Variants in NPHP4 observed in about 807,000 individuals in gnomAD.
The protein encoded by NPHP4 is nephrocystin-4.
A neutral mutation model predicts 155.8 loss-of-function variants in NPHP4; 151 were observed. That is an observed-to-expected ratio of 0.97 (90% CI 0.85 to 1.11). The LOEUF (loss-of-function observed/expected upper bound fraction) is 1.11, where lower values mean the gene tolerates loss of function less well. Ranked by LOEUF, NPHP4 falls within the 50% of genes least tolerant of loss-of-function variation. NPHP4 has a pLI of 0.00. For missense variants in NPHP4, 1,956 were observed against 1,925.7 expected (o/e 1.02, Z -0.29); for synonymous variants, 845 against 816.8 (o/e 1.03, Z -0.59).
intron 20 of NPHP4, chr1:5,875,827 A>T (rs1642540269): frequency 6.5e-6 from 1 of 152,922 alleles, no homozygotes; most frequent in Non-Finnish European, 1.5e-5. Context: ...GGGCGCTGGG[A>T]ACCTTCTGTC....
chr1:5,918,838 GTAAT>G (rs1357665722), intron 11 of NPHP4, among the ~76,000 whole-genome samples: 1 of 152,184 alleles, frequency 6.6e-6, no homozygotes, highest in Admixed American at 6.5e-5. Context: ...GAAAAGAAAT[GTAAT>G]TGGTTGTCAA....
intron 23 of NPHP4, among the ~76,000 whole-genome samples, chr1:5,869,028 CACAT>C (rs1375298328): frequency 2.1e-5 from 3 of 145,088 alleles, no homozygotes; most frequent in Non-Finnish European, 3.0e-5. Context: ...CACATGCACA[CACAT>C]ACATGCACAC....
chr1:5,952,916 C>CAGG (rs2102006225), intron 6 of NPHP4, 80 bp from the exon 7 acceptor site: 1 of 1,379,990 alleles, frequency 7.2e-7, no homozygotes, highest in Admixed American at 2.2e-5. Flanking sequence ...CCTACCCACC[C>CAGG]CAGCCTCAGC....
At chr1:5,949,343 T>TACACATACACACAC (rs1553187014) in intron 7 of NPHP4, among the ~76,000 whole-genome samples, 19 of 140,788 alleles carry the variant, frequency 1.3e-4, no homozygotes, top group Admixed American at 7.1e-4. Context: ...TTCACATACA[T>TACACATACACACAC]ACACACACAC....
intron 10 of NPHP4, among the ~76,000 whole-genome samples, chr1:5,930,908 T>G (rs1251578345): frequency 6.6e-6 from 1 of 152,234 alleles, no homozygotes; most frequent in Non-Finnish European, 1.5e-5. Context: ...CATTTCTCCT[T>G]TCAGTTCAAT....
intron 16 of NPHP4, among the ~76,000 whole-genome samples, chr1:5,893,776 C>A (rs976823299): frequency 2.6e-5 from 4 of 152,208 alleles, no homozygotes; most frequent in Non-Finnish European, 4.4e-5. Flanking sequence ...GGGTGTTGTT[C>A]CTTGACACTT....
chr1:5,879,682 T>C (rs757356611), intron 19 of NPHP4: 4 of 498,196 alleles, frequency 8.0e-6, no homozygotes, highest in Non-Finnish European at 1.6e-5. Flanking sequence ...GGCCTGTGGG[T>C]CCACAGGGGC....
chr1:5,934,624 C>T (rs961091179), intron 9 of NPHP4, among the ~76,000 whole-genome samples: 1 of 152,170 alleles, frequency 6.6e-6, no homozygotes. Flanking sequence ...CTCCCAGTCC[C>T]GGGCTTGGCT....
chr1:5,875,437 G>A (rs899460826), intron 20 of NPHP4, among the ~76,000 whole-genome samples: 1 of 152,190 alleles, frequency 6.6e-6, no homozygotes, highest in Admixed American at 6.5e-5. Context: ...GAAAAGAATG[G>A]CCTCAAAACT....
intron 29 of NPHP4, 171 bp downstream of exon 29, chr1:5,863,719 T>A (rs956510050): frequency 3.9e-5 from 27 of 692,316 alleles, no homozygotes; most frequent in Non-Finnish European, 6.2e-5. Context: ...AATCTCCAGC[T>A]ACTAAAGATA....
intron 9 of NPHP4, among the ~76,000 whole-genome samples, chr1:5,935,792 T>C (rs1027890430): frequency 6.6e-6 from 1 of 152,118 alleles, no homozygotes; most frequent in African/African-American, 2.4e-5. Context: ...GGAGAATCGC[T>C]TGAACCTAGA....
chr1:5,940,857 G>A (rs1247828728), intron 9 of NPHP4, among the ~76,000 whole-genome samples: 1 of 152,172 alleles, frequency 6.6e-6, no homozygotes, highest in Admixed American at 6.5e-5. Context: ...ACATCCTTGA[G>A]ATGTAAAATT....
At chr1:5,888,416 C>T in intron 17 of NPHP4, 1 of 1,095,232 alleles carries the variant, frequency 9.1e-7, no homozygotes. Context: ...TCTCCAGTTT[C>T]TACAGCAACA....
At chr1:5,866,118 C>T in intron 26 of NPHP4, 1 of 538,264 alleles carries the variant, frequency 1.9e-6, no homozygotes, top group Non-Finnish European at 3.4e-6. Context: ...GGGACAGAGG[C>T]TGACTGGTGT....
At chr1:5,976,732 G>C (rs1653660037) in intron 3 of NPHP4, among the ~76,000 whole-genome samples, 1 of 152,156 alleles carries the variant, frequency 6.6e-6, no homozygotes, top group Non-Finnish European at 1.5e-5. Context: ...CGTGACCTCT[G>C]GGGTCATTCT....
At chr1:5,976,858 T>C (rs882128) in intron 3 of NPHP4, among the ~76,000 whole-genome samples, 126,979 of 152,106 alleles carry the variant, frequency 0.83, 53,198 homozygotes, top group African/African-American at 0.92. Context: ...CTCGTGGCCC[T>C]AGGTGGGGGT....
At chr1:5,875,143 T>A in intron 20 of NPHP4, 43 bp from the exon 21 acceptor site, 1 of 1,469,306 alleles carries the variant, frequency 6.8e-7, no homozygotes, top group Non-Finnish European at 9.3e-7. Flanking sequence ...CCAGGCACAC[T>A]CTCCTCCACA....
At position 5,890,739 on chromosome 1, in the gene NPHP4, A is replaced by G; in HGVS notation, c.2304+129T>C. On this transcript the variant is annotated intron_variant, in intron 17 of 29. Transcript: ENST00000378156. The surrounding 1 kb of genome is among the most constrained non-coding windows in gnomAD (Gnocchi z 4.9). ...ATGCAGCACTATTTTTAACGAGTGA[A>G]CAAAGAAGGTCAAACAAGTCCTGTG... The G allele has an allele frequency of 1.4e-6, 1 of 713,186 alleles. No homozygotes were observed. The highest frequency in any genetic ancestry group is 2.2e-6 in the Non-Finnish European group (1 of 461,462). The allele number at this position is 713,186 out of a possible 1,614,324, so 44.2% of individuals were successfully genotyped here.
chr1:5,912,537 C>CAAAAAAA (rs752371714), intron 11 of NPHP4, among the ~76,000 whole-genome samples: 74 of 76,294 alleles, frequency 9.7e-4, no homozygotes, highest in East Asian at 1.5e-3. Flanking sequence ...GACTCCGTCT[C>CAAAAAAA]AAAAAAAAAA....
Sources: allele counts gnomAD v4.1 joint callset (sites outside exome capture counted in the v4.1 genomes callset), GRCh38; gene constraint gnomAD v4.1.1; non-coding constraint Gnocchi (gnomAD v3.1); transcripts MANE v1.5; gene names NCBI Gene and HGNC (gene_info 2026-07-23, HGNC 2026-07-21).